Variants in MARCO observed in about 807,000 individuals in gnomAD.
MARCO encodes macrophage receptor MARCO.
Under a neutral mutation model 70.0 loss-of-function variants are expected in MARCO, and 72 were observed. That is an observed-to-expected ratio of 1.03 (90% CI 0.85 to 1.25). The LOEUF (loss-of-function observed/expected upper bound fraction) is 1.25. Among genes scored for constraint, MARCO ranks in the 50% most tolerant of loss-of-function variants. MARCO has a pLI of 0.00. For missense variants in MARCO, 696 were observed against 659.3 expected (o/e 1.06, Z -0.61); for synonymous variants, 273 against 243.1 (o/e 1.12, Z -1.14).
At chr2:118,973,441 A>G (rs1374760002) in intron 4 of MARCO, among the ~76,000 whole-genome samples, 1 of 152,032 alleles carries the variant, frequency 6.6e-6, no homozygotes, top group Non-Finnish European at 1.5e-5. Context: ...CCCAGAAACC[A>G]GAGACAGGAA....
At position 118,969,254 on chromosome 2, in the gene MARCO, G is replaced by A. The variant is rs139793431; in HGVS notation, c.192G>A (p.Val64=). 2.9e-5 allele frequency: 46 copies of A among 1,613,890 alleles called. No individual in the cohort carries two copies. In the African/African-American group the frequency reaches 5.6e-4, roughly 20 times the overall value. Residue 64 remains valine, a synonymous_variant, in exon 2 of 17, where the codon GTG becomes GTA. Transcript: ENST00000327097. ...TCACCGCTGGCGCTGGGCTGCTGGT[G>A]GTCCAAGGTAAAGCAGGCTTGGTCC... is the stretch of plus-strand genomic sequence containing the variant. The part of the protein sequence containing the change: ...ILLTAGAGLL[V]VQVLNLQARL...
chr2:118,981,943 C>T (rs1680400616), intron 10 of MARCO, among the ~76,000 whole-genome samples: 1 of 152,158 alleles, frequency 6.6e-6, no homozygotes, highest in African/African-American at 2.4e-5. Context: ...CCAGGCCCTG[C>T]AGATGGAAAA....
In MARCO at chr2:118,947,592, TA is replaced by T. The variant is rs1294447027; in HGVS notation, c.97+5196del. 2.8e-4 allele frequency among the ~76,000 whole-genome samples: 42 copies of T among 150,616 alleles called. 1 individual carries two copies. Among genetic ancestry groups the T allele is most frequent in the African/African-American group, 1.1e-3 (42 of 39,894 alleles). ...ATTCCAGCACCATTTGTTGAAAGGC[TA>T]TCCTTTCCCTGTTGAATTGCTTTTA... On this transcript the variant is annotated intron_variant, in intron 1 of 16. Coordinates refer to ENST00000327097, the MANE Select transcript of MARCO (RefSeq NM_006770.4).
At chr2:118,971,372 C>G in intron 3 of MARCO, 127 bp from the exon 4 acceptor site, 2 of 912,936 alleles carry the variant, frequency 2.2e-6, no homozygotes, top group East Asian at 2.5e-5. Flanking sequence ...TCCAAACCCC[C>G]ACAGTCTGAT....
At chr2:118,949,214 C>T (rs1285445421) in intron 1 of MARCO, 1 of 152,192 alleles carries the variant, frequency 6.6e-6, no homozygotes, top group African/African-American at 2.4e-5. Context: ...CCATGCACTC[C>T]ATGTCCCCTT....
chr2:118,943,703 G>A (rs1038544183), intron 1 of MARCO, among the ~76,000 whole-genome samples: 2 of 152,208 alleles, frequency 1.3e-5, no homozygotes, highest in Non-Finnish European at 2.9e-5. Flanking sequence ...GGGGCGGGGT[G>A]GGCGCCACAT....
chr2:118,974,585 G>A lies in MARCO; in HGVS notation c.613+20G>A, dbSNP rs367715327. On this transcript the variant is annotated intron_variant, in intron 6 of 16. Transcript: ENST00000327097. ...AGGCGGGTGAGTAGGTGCTGGGTAT[G>A]TACCCAGAAATACACAGCAAGTTTC... 6.2e-7 allele frequency: 1 copy of A among 1,608,778 alleles called. No homozygotes were observed. The highest frequency in any genetic ancestry group is 2.2e-5 in the East Asian group (1 of 44,804).
chr2:118,960,940 C>G (rs907372504), intron 1 of MARCO, among the ~76,000 whole-genome samples: 1 of 152,044 alleles, frequency 6.6e-6, no homozygotes, highest in Non-Finnish European at 1.5e-5. Flanking sequence ...CTCCTTGTGT[C>G]CACGTGTTCT....
intron 7 of MARCO, 48 bp downstream of exon 7, chr2:118,977,563 C>G (rs536426546): frequency 6.4e-7 from 1 of 1,553,240 alleles, no homozygotes; most frequent in African/African-American, 1.4e-5. Context: ...TAGCCTGAGG[C>G]ACTGAGGCAG....
chr2:118,970,392 G>A, intron 3 of MARCO, 54 bp downstream of exon 3: 1 of 1,375,552 alleles, frequency 7.3e-7, no homozygotes, highest in East Asian at 2.5e-5. Context: ...CTGGGAGACA[G>A]CGGGATCAGG....
chr2:118,982,517 G>A, intron 12 of MARCO, 107 bp downstream of exon 12: 2 of 1,099,026 alleles, frequency 1.8e-6, no homozygotes, highest in South Asian at 2.6e-5. Flanking sequence ...AGGGTCTTCT[G>A]TGCCTTGGCC....
chr2:118,986,313 C>T (rs936175933), intron 12 of MARCO, among the ~76,000 whole-genome samples: 13 of 151,532 alleles, frequency 8.6e-5, no homozygotes, highest in African/African-American at 3.2e-4. Flanking sequence ...AGGAAAGTTT[C>T]CCCAGACGGG....
chr2:118,945,494 C>A (rs1679579932), intron 1 of MARCO, among the ~76,000 whole-genome samples: 1 of 150,802 alleles, frequency 6.6e-6, no homozygotes, highest in Admixed American at 6.6e-5. Flanking sequence ...CTCAGTGCAA[C>A]CTCCATCTCC....
intron 1 of MARCO, among the ~76,000 whole-genome samples, chr2:118,954,622 A>G (rs1296770282): frequency 1.3e-5 from 2 of 152,208 alleles, no homozygotes; most frequent in African/African-American, 4.8e-5. Context: ...GCACAAAAAT[A>G]GAGCATTAAA....
chr2:118,986,752 A>AAGAAAG, intron 12 of MARCO, among the ~76,000 whole-genome samples: 1 of 151,220 alleles, frequency 6.6e-6, no homozygotes, highest in Non-Finnish European at 1.5e-5. Context: ...AAGAAAGAGA[A>AAGAAAG]AGAAAGAAGA....
At chr2:118,985,617 A>G (rs1680470791) in intron 12 of MARCO, among the ~76,000 whole-genome samples, 1 of 152,150 alleles carries the variant, frequency 6.6e-6, no homozygotes, top group Admixed American at 6.5e-5. Context: ...ATCACTTAGT[A>G]TTTCTAACAT....
intron 1 of MARCO, among the ~76,000 whole-genome samples, chr2:118,942,603 G>A (rs112756246): frequency 0.014 from 2,112 of 152,124 alleles, 43 homozygotes; most frequent in African/African-American, 0.048. Flanking sequence ...CATATAGTCA[G>A]GTTTTTCTTA....
chr2:118,961,456 C>A (rs1679944663), intron 1 of MARCO, among the ~76,000 whole-genome samples: 1 of 152,280 alleles, frequency 6.6e-6, no homozygotes, highest in African/African-American at 2.4e-5. Context: ...ATTTTCATTT[C>A]TCTAATGATC....
intron 8 of MARCO, among the ~76,000 whole-genome samples, chr2:118,980,547 G>C (rs1558669168): frequency 6.6e-6 from 1 of 152,174 alleles, no homozygotes; most frequent in African/African-American, 2.4e-5. Flanking sequence ...CAAAATCATA[G>C]ATTGGAGCAA....
Sources: allele counts gnomAD v4.1 joint callset (sites outside exome capture counted in the v4.1 genomes callset), GRCh38; gene constraint gnomAD v4.1.1; transcripts MANE v1.5; gene names NCBI Gene and HGNC (gene_info 2026-07-23, HGNC 2026-07-21).